The following ARMH4 variants were observed in gnomAD, a reference collection of about 807,000 sequenced individuals.
The protein encoded by ARMH4 is armadillo like helical domain containing 4.
Under a neutral mutation model 61.9 loss-of-function variants are expected in ARMH4, and 49 were observed. That is an observed-to-expected ratio of 0.79 (90% CI 0.63 to 1.00). The LOEUF is 1.00. Among genes scored for constraint, ARMH4 ranks in the 50% least tolerant of loss-of-function variants. The probability of loss-of-function intolerance (pLI) is 0.00; values close to 1 mark genes in which losing one functional copy is unlikely to be tolerated. For synonymous variants in ARMH4, 368 were observed against 341.5 expected, an observed-to-expected ratio of 1.08 and a Z score of -0.85; for missense variants, 934 against 930.0, an observed-to-expected ratio of 1.00 and a Z score of -0.06.
intron 5 of ARMH4, among the ~76,000 whole-genome samples, chr14:58,090,087 T>C (rs909551750): frequency 6.6e-6 from 1 of 152,224 alleles, no homozygotes; most frequent in Non-Finnish European, 1.5e-5. Context: ...TAAGGATTTC[T>C]AGAGAAAAAT....
At position 58,094,072 on chromosome 14, in the gene ARMH4, G is replaced by A. The variant is rs544738965; in HGVS notation, c.2089+2652C>T. On this transcript the variant is annotated intron_variant, in intron 5 of 7. Coordinates refer to ENST00000267485, the MANE Select transcript of ARMH4 (RefSeq NM_001001872.4). ...TGGCTGGGCACGGTGGGTCATGCCT[G>A]TAACCCCAGCACTTTGGGAGGCCAC... Among the ~76,000 whole-genome samples the A allele has an allele frequency of 3.3e-5, 5 of 152,274 alleles. No individual in the cohort carries two copies. The East Asian group carries it at 7.7e-4, about 23-fold the overall frequency.
At chr14:58,071,440 CTTCA>C (rs1368547479) in intron 5 of ARMH4, among the ~76,000 whole-genome samples, 1 of 152,136 alleles carries the variant, frequency 6.6e-6, no homozygotes, top group Non-Finnish European at 1.5e-5. Flanking sequence ...ATATTTCCTT[CTTCA>C]TTATCTTCTT....
At position 58,117,854 on chromosome 14, in the gene ARMH4, G is replaced by A. The variant is rs1340533208; in HGVS notation, c.1831+13658C>T. On this transcript the variant is annotated intron_variant, in intron 4 of 7. Transcript: ENST00000267485. The stretch of plus-strand genomic sequence containing the variant: ...GTTCACTTCAGCCTCGAACTCCTGG[G>A]CTCAAGCAATCCTCCTGCCTCAGCC... 2.0e-5 allele frequency among the ~76,000 whole-genome samples: 3 copies of A among 151,534 alleles called. No individual in the cohort carries two copies. In the East Asian group the frequency reaches 5.8e-4, roughly 29 times the overall value.
At chr14:58,073,246 C>A (rs889843520) in intron 5 of ARMH4, among the ~76,000 whole-genome samples, 1 of 152,154 alleles carries the variant, frequency 6.6e-6, no homozygotes, top group African/African-American at 2.4e-5. Flanking sequence ...TATAAGGAAT[C>A]ATTCTTATGC....
chr14:58,115,615 C>T (rs1339416034), intron 4 of ARMH4, among the ~76,000 whole-genome samples: 5 of 152,166 alleles, frequency 3.3e-5, no homozygotes, highest in Non-Finnish European at 7.4e-5. Flanking sequence ...AAAAAACATG[C>T]ACTCATATGT....
At chr14:58,027,218 T>A (rs932530030) in intron 5 of ARMH4, among the ~76,000 whole-genome samples, 1 of 152,222 alleles carries the variant, frequency 6.6e-6, no homozygotes, top group Non-Finnish European at 1.5e-5. Context: ...ATAAATAAGT[T>A]CTGGAGATCT....
rs148298907 is a variant in ARMH4, at chr14:58,084,086, T to C, written c.2089+12638A>G. On this transcript the variant is annotated intron_variant, in intron 5 of 7. Transcript: ENST00000267485. ...ACAGTGAGGGGGATTAAGAGAAGAG[T>C]GAAGCCTCTTGGGATCCCAGGACAG... Among the ~76,000 whole-genome samples the C allele has an allele frequency of 8.9e-3, 1,347 of 152,050 alleles. 15 individuals are homozygous for C. Among genetic ancestry groups the C allele is most frequent in the African/African-American group, 0.031 (1,292 of 41,468 alleles).
At chr14:58,049,198 C>T (rs1282713962) in intron 5 of ARMH4, among the ~76,000 whole-genome samples, 3 of 148,622 alleles carry the variant, frequency 2.0e-5, no homozygotes, top group Admixed American at 1.3e-4. Flanking sequence ...GAGATGGCAC[C>T]ACTGCACTCC....
chr14:58,092,057 T>A (rs1206540304), intron 5 of ARMH4, among the ~76,000 whole-genome samples: 1 of 152,226 alleles, frequency 6.6e-6, no homozygotes, highest in African/African-American at 2.4e-5. Context: ...ATGTTCCTGC[T>A]CTTGGCACTT....
At chr14:58,128,587 A>G (rs1484066420) in intron 4 of ARMH4, among the ~76,000 whole-genome samples, 1 of 152,174 alleles carries the variant, frequency 6.6e-6, no homozygotes, top group Admixed American at 6.5e-5. Context: ...ATCAAACTGC[A>G]TTTTTGCTGA....
chr14:58,081,758 G>C (rs1324648126), intron 5 of ARMH4, among the ~76,000 whole-genome samples: 1 of 151,406 alleles, frequency 6.6e-6, no homozygotes, highest in Admixed American at 6.6e-5. Context: ...CGCCCGCCTC[G>C]GTCTCCCAAA....
intron 5 of ARMH4, among the ~76,000 whole-genome samples, chr14:58,093,900 A>G (rs1885657839): frequency 6.6e-6 from 1 of 152,250 alleles, no homozygotes; most frequent in Admixed American, 6.5e-5. Flanking sequence ...AAAAAGAAGC[A>G]ACAGCAGAAA....
intron 5 of ARMH4, among the ~76,000 whole-genome samples, chr14:58,043,538 C>G (rs1304872683): frequency 6.6e-6 from 1 of 152,160 alleles, no homozygotes; most frequent in Non-Finnish European, 1.5e-5. Context: ...CCTTTGAAAA[C>G]TGGCACAAGA....
Position 58,004,824 on chromosome 14 carries a change from A to G in ARMH4, c.2257-20T>C. 6.2e-7 allele frequency: 1 copy of G among 1,603,568 alleles called. No homozygotes were observed. Among genetic ancestry groups the G allele is most frequent in the Middle Eastern group, 1.7e-4 (1 of 6,042 alleles). On this transcript the variant is annotated intron_variant, in intron 7 of 7. Coordinates refer to ENST00000267485, the MANE Select transcript of ARMH4 (RefSeq NM_001001872.4). Reference sequence around the variant, plus strand: ...TCTCTGCTAGAGAAAGAAAACAGAAAAGCATTAAACTCTTTCTGCCACAGA... The same window carrying G: ...TCTCTGCTAGAGAAAGAAAACAGAAGAGCATTAAACTCTTTCTGCCACAGA...
At chr14:58,032,681 GCCAGTGTGTGCGCGCA>G (rs1009832212) in intron 5 of ARMH4, among the ~76,000 whole-genome samples, 1 of 151,872 alleles carries the variant, frequency 6.6e-6, no homozygotes, top group Non-Finnish European at 1.5e-5. Flanking sequence ...GTGGGCGCAG[GCCAGTGTGTGCGCGCA>G]CCGTGCGCGA....
At chr14:58,067,535 G>A (rs560587498) in intron 5 of ARMH4, among the ~76,000 whole-genome samples, 1 of 152,312 alleles carries the variant, frequency 6.6e-6, no homozygotes, top group Admixed American at 6.5e-5. Context: ...TAGCCTGGAA[G>A]GGAGATGGTA....
At chr14:58,023,582 T>C (rs1287837240) in intron 5 of ARMH4, among the ~76,000 whole-genome samples, 1 of 152,222 alleles carries the variant, frequency 6.6e-6, no homozygotes. Flanking sequence ...TCCAAACTCC[T>C]GTTAATGATA....
At chr14:58,079,387 G>A (rs968929648) in intron 5 of ARMH4, among the ~76,000 whole-genome samples, 3 of 152,064 alleles carry the variant, frequency 2.0e-5, no homozygotes, top group African/African-American at 7.2e-5. Flanking sequence ...AAGAAAAGGG[G>A]GTTGCACTCC....
intron 5 of ARMH4, among the ~76,000 whole-genome samples, chr14:58,059,887 T>TA (rs1166864968): frequency 1.3e-5 from 2 of 152,180 alleles, no homozygotes; most frequent in Non-Finnish European, 2.9e-5. Flanking sequence ...AGCAGACCGA[T>TA]AGACTCTCTT....
Sources: gnomAD v4.1 joint callset for allele counts (sites outside exome capture counted in the v4.1 genomes callset) on GRCh38, gnomAD v4.1.1 for gene constraint, MANE v1.5 for transcripts, NCBI Gene and HGNC (gene_info 2026-07-23, HGNC 2026-07-21) for gene names.